Variants in RB1CC1 observed in about 807,000 individuals in gnomAD.
RB1CC1 encodes RB1 inducible coiled-coil 1.
Under a neutral mutation model 177.5 loss-of-function variants are expected in RB1CC1, and 46 were observed. The ratio of observed to expected loss-of-function variants is 0.26; its 90% CI spans 0.20 to 0.33. The LOEUF (loss-of-function observed/expected upper bound fraction) is 0.33, where lower values mean the gene tolerates loss of function less well. Ranked by LOEUF, RB1CC1 falls within the 10% of genes least tolerant of loss-of-function variation. The pLI, the probability that RB1CC1 is intolerant of heterozygous loss-of-function variation, is 1.00. For synonymous variants in RB1CC1, 666 were observed against 613.6 expected (o/e 1.09, Z -1.26); for missense variants, 1,703 against 1,816.3 (o/e 0.94, Z 1.13).
chr8:52,646,385 G>T (rs1850038542), intron 15 of RB1CC1, among the ~76,000 whole-genome samples: 1 of 152,170 alleles, frequency 6.6e-6, no homozygotes, highest in Admixed American at 6.5e-5. Context: ...GAGCCCAGAA[G>T]TTCAAATCCT....
Position 52,642,826 on chromosome 8 carries a change from A to G in RB1CC1, c.3988-14T>C, listed in dbSNP as rs373432379. On this transcript the variant is annotated splice_polypyrimidine_tract_variant and intron_variant, in intron 16 of 23. Coordinates refer to ENST00000025008, the MANE Select transcript of RB1CC1 (RefSeq NM_014781.5). ...GTTAAAATTGGTCTGGAACAAGAGA[A>G]TAATTATTTAAATTTATCTACATGT... 12 of 1,517,242 alleles carry G rather than the reference A, an allele frequency of 7.9e-6. No individual in the cohort carries two copies. The highest frequency in any genetic ancestry group is 2.8e-5 in the African/African-American group (2 of 71,488). 94.0% of individuals were successfully genotyped at this position (1,517,242 alleles called of 1,614,324 possible).
chr8:52,700,940 C>T (rs1330440567), intron 1 of RB1CC1, among the ~76,000 whole-genome samples: 2 of 152,168 alleles, frequency 1.3e-5, no homozygotes, highest in Admixed American at 1.3e-4. Context: ...TTTCCCTGGA[C>T]CTGTCACTGC....
At chr8:52,632,122 C>T (rs993245855) in intron 20 of RB1CC1, among the ~76,000 whole-genome samples, 5 of 152,092 alleles carry the variant, frequency 3.3e-5, no homozygotes, top group African/African-American at 4.8e-5. Context: ...ATGGCTTAGC[C>T]GGGACTGTTC....
At chr8:52,675,874 G>A (rs531987891) in intron 6 of RB1CC1, among the ~76,000 whole-genome samples, 10 of 145,172 alleles carry the variant, frequency 6.9e-5, no homozygotes, top group East Asian at 2.0e-4. Context: ...GCAACAGAGC[G>A]AGCCTCCGTC....
chr8:52,643,730 A>C (rs941716384), intron 16 of RB1CC1, among the ~76,000 whole-genome samples: 7 of 151,434 alleles, frequency 4.6e-5, no homozygotes, highest in Admixed American at 1.3e-4. Flanking sequence ...TTTACTTACA[A>C]GATTTTTGAG....
intron 5 of RB1CC1, among the ~76,000 whole-genome samples, chr8:52,678,934 C>A (rs757621262): frequency 2.0e-5 from 3 of 152,046 alleles, no homozygotes; most frequent in Non-Finnish European, 2.9e-5. Context: ...GTAAAGATGT[C>A]TTTGCCTGCT....
chr8:52,665,968 T>C (rs552308573), intron 8 of RB1CC1, among the ~76,000 whole-genome samples: 2 of 152,272 alleles, frequency 1.3e-5, no homozygotes, highest in South Asian at 4.1e-4. Context: ...TTAAAACCTA[T>C]ATCCTATGAT....
chr8:52,681,674 T>A (rs569828772), intron 5 of RB1CC1, among the ~76,000 whole-genome samples: 67 of 152,344 alleles, frequency 4.4e-4, no homozygotes, highest in African/African-American at 1.6e-3. Flanking sequence ...TTCACGCCTA[T>A]AATCCCAGCA....
At chr8:52,638,387 T>C (rs1380112185) in intron 18 of RB1CC1, among the ~76,000 whole-genome samples, 1 of 152,220 alleles carries the variant, frequency 6.6e-6, no homozygotes, top group African/African-American at 2.4e-5. Flanking sequence ...ATTTTGCCGA[T>C]AATATTTGTG....
At chr8:52,670,972 T>C (rs1365133653) in intron 7 of RB1CC1, among the ~76,000 whole-genome samples, 4 of 145,472 alleles carry the variant, frequency 2.7e-5, no homozygotes, top group Non-Finnish European at 4.5e-5. Flanking sequence ...AAAAAAAGAG[T>C]CTTTTTAGCA....
intron 5 of RB1CC1, among the ~76,000 whole-genome samples, chr8:52,682,151 A>T (rs1853809814): frequency 6.6e-6 from 1 of 152,176 alleles, no homozygotes; most frequent in Non-Finnish European, 1.5e-5. Context: ...GTCCATGGGA[A>T]CCCACCTCTT....
intron 1 of RB1CC1, among the ~76,000 whole-genome samples, chr8:52,707,432 CTT>C (rs386412758): frequency 4.2e-4 from 54 of 128,826 alleles, no homozygotes; most frequent in East Asian, 1.8e-3. Context: ...TTCTTTCTTT[CTT>C]TTTTTTTTTT....
chr8:52,683,624 C>T lies in RB1CC1; in HGVS notation c.294G>A (p.Met98Ile). The change falls in exon 5 of 24, where the codon ATG becomes ATA. Residue 98 changes from methionine (M) to isoleucine (I), a missense_variant. Met to Ile is a conservative substitution (Grantham distance 10, BLOSUM62 1). Around this residue, in one of 6 missense-constraint regions of RB1CC1, gnomAD observed 118 missense variants for 121.2 expected, o/e 0.97. Coordinates refer to ENST00000025008, the MANE Select transcript of RB1CC1 (RefSeq NM_014781.5). ...TAAGAGATTCTTCAACTTTTATTTC[C>T]ATGTCATTTTCTGTCGAAAAGGTAG... ...PKTTFSTEND[M>I]EIKVEESLMM... 6.2e-7 allele frequency: 1 copy of T among 1,612,446 alleles called. No individual in the cohort carries two copies. The highest frequency in any genetic ancestry group is 8.5e-7 in the Non-Finnish European group (1 of 1,179,374).
intron 22 of RB1CC1, among the ~76,000 whole-genome samples, chr8:52,625,968 G>A (rs922977129): frequency 6.6e-6 from 1 of 152,134 alleles, no homozygotes; most frequent in Non-Finnish European, 1.5e-5. Flanking sequence ...TAAATAATCA[G>A]AAATGAACCT....
intron 18 of RB1CC1, among the ~76,000 whole-genome samples, chr8:52,638,679 G>T (rs1490284631): frequency 2.6e-5 from 4 of 151,892 alleles, no homozygotes; most frequent in African/African-American, 9.7e-5. Flanking sequence ...TCTGATTTCA[G>T]AGTAGTCTTT....
At chr8:52,701,635 C>T (rs1245970964) in intron 1 of RB1CC1, among the ~76,000 whole-genome samples, 1 of 151,998 alleles carries the variant, frequency 6.6e-6, no homozygotes, top group Non-Finnish European at 1.5e-5. Context: ...TCAAATGATC[C>T]TCCCACCTTG....
At chr8:52,708,438 A>G (rs371620604) in intron 1 of RB1CC1, among the ~76,000 whole-genome samples, 100 of 152,256 alleles carry the variant, frequency 6.6e-4, no homozygotes, top group African/African-American at 2.2e-3. Context: ...AATGGCGTGA[A>G]CCCAGGAGGC....
intron 23 of RB1CC1, 52 bp downstream of exon 23, chr8:52,624,665 T>C: frequency 7.1e-7 from 1 of 1,399,052 alleles, no homozygotes; most frequent in Non-Finnish European, 1.0e-6. Context: ...AAAGCAGTAT[T>C]AAAATCTTCT....
intron 5 of RB1CC1, among the ~76,000 whole-genome samples, chr8:52,682,607 T>A (rs926866034): frequency 6.6e-6 from 1 of 152,176 alleles, no homozygotes; most frequent in Admixed American, 6.5e-5. Flanking sequence ...CTCTTTCTAA[T>A]CACTTGAAAA....
Sources: allele counts gnomAD v4.1 joint callset (sites outside exome capture counted in the v4.1 genomes callset), GRCh38; gene constraint gnomAD v4.1.1; regional missense constraint gnomAD v4.1.1; transcripts MANE v1.5; gene names NCBI Gene and HGNC (gene_info 2026-07-23, HGNC 2026-07-21).